CHCHD6: variants seen among roughly 807,000 people sequenced by gnomAD.
The protein encoded by CHCHD6 is MICOS complex subunit MIC25.
CHCHD6 carries 28 observed loss-of-function variants against 32.3 expected under a neutral mutation model. That is an observed-to-expected ratio of 0.87 (90% CI 0.64 to 1.19). The LOEUF (loss-of-function observed/expected upper bound fraction) is 1.19, where lower values mean the gene tolerates loss of function less well. CHCHD6 is among the 50% of genes most tolerant of loss of function. CHCHD6 has a pLI of 0.00. For missense variants in CHCHD6, 333 were observed against 307.0 expected, an observed-to-expected ratio of 1.08 and a Z score of -0.63; for synonymous variants, 122 against 117.5, an observed-to-expected ratio of 1.04 and a Z score of -0.25.
At chr3:126,862,060 C>T (rs865997977) in intron 5 of CHCHD6, among the ~76,000 whole-genome samples, 19 of 42,612 alleles carry the variant, frequency 4.5e-4, no homozygotes, top group Non-Finnish European at 6.7e-4. Context: ...CACCAACTCC[C>T]CCTCCTCCAC....
At chr3:126,927,160 G>T (rs1415171499) in intron 6 of CHCHD6, among the ~76,000 whole-genome samples, 1 of 152,182 alleles carries the variant, frequency 6.6e-6, no homozygotes, top group Non-Finnish European at 1.5e-5. Flanking sequence ...TGGCCAAAAG[G>T]AGAGCTGGGC....
chr3:126,835,234 G>C (rs966094730), intron 4 of CHCHD6, among the ~76,000 whole-genome samples: 2 of 152,160 alleles, frequency 1.3e-5, no homozygotes, highest in Admixed American at 6.5e-5. Context: ...CTTAGCCCAG[G>C]TGTAGGTGCC....
At chr3:126,905,243 A>G (rs998860244) in intron 5 of CHCHD6, among the ~76,000 whole-genome samples, 1 of 152,220 alleles carries the variant, frequency 6.6e-6, no homozygotes, top group African/African-American at 2.4e-5. Context: ...ATGTCAACAG[A>G]TGATTGCAGT....
chr3:126,894,746 A>T (rs2077813446), intron 5 of CHCHD6, among the ~76,000 whole-genome samples: 1 of 152,194 alleles, frequency 6.6e-6, no homozygotes, highest in East Asian at 1.9e-4. Flanking sequence ...GTCTGGAGGG[A>T]TCACAGACTG....
At chr3:126,802,732 C>T (rs898896972) in intron 4 of CHCHD6, among the ~76,000 whole-genome samples, 3 of 152,046 alleles carry the variant, frequency 2.0e-5, no homozygotes, top group African/African-American at 4.8e-5. Context: ...AGATACTCCT[C>T]GAGAAGAGCA....
At chr3:126,769,716 G>C (rs1327898828) in intron 4 of CHCHD6, among the ~76,000 whole-genome samples, 1 of 152,148 alleles carries the variant, frequency 6.6e-6, no homozygotes, top group Non-Finnish European at 1.5e-5. Context: ...ATGTTGGCCA[G>C]GCTAGTCTTG....
chr3:126,859,980 C>T (rs1174985944), intron 5 of CHCHD6, among the ~76,000 whole-genome samples: 1 of 152,056 alleles, frequency 6.6e-6, no homozygotes. Context: ...TTCCCCAGCA[C>T]TGGAGAAGGA....
chr3:126,716,320 A>G (rs1935014914), intron 1 of CHCHD6, among the ~76,000 whole-genome samples: 1 of 152,062 alleles, frequency 6.6e-6, no homozygotes, highest in Admixed American at 6.6e-5. Flanking sequence ...TCTCTCTGGA[A>G]CGCCACCTTC....
intron 5 of CHCHD6, among the ~76,000 whole-genome samples, chr3:126,869,846 TTG>T (rs1250030864): frequency 1.3e-5 from 2 of 152,236 alleles, no homozygotes; most frequent in Non-Finnish European, 2.9e-5. Context: ...GGACAAAAAA[TTG>T]TGTTTTGGAT....
intron 5 of CHCHD6, among the ~76,000 whole-genome samples, chr3:126,864,979 A>G (rs899038593): frequency 2.3e-5 from 3 of 128,240 alleles, no homozygotes; most frequent in African/African-American, 3.7e-5. Context: ...CTCCATCATC[A>G]CCACTACCAC....
At chr3:126,820,245 A>G (rs1188054272) in intron 4 of CHCHD6, among the ~76,000 whole-genome samples, 1 of 151,696 alleles carries the variant, frequency 6.6e-6, no homozygotes, top group African/African-American at 2.4e-5. Flanking sequence ...AACAGTAAAC[A>G]TGTAAATTTT....
intron 4 of CHCHD6, among the ~76,000 whole-genome samples, chr3:126,804,277 G>T (rs930631223): frequency 3.9e-5 from 6 of 152,136 alleles, no homozygotes; most frequent in African/African-American, 1.2e-4. Context: ...TCCAGGAGCT[G>T]GTTTTTTGAA....
intron 4 of CHCHD6, among the ~76,000 whole-genome samples, chr3:126,779,535 CAAAAAAA>C (rs11288509): frequency 6.4e-5 from 5 of 78,098 alleles, no homozygotes; most frequent in East Asian, 8.5e-4. Context: ...GACTCCATCT[CAAAAAAA>C]AAAAAAAAAA....
At chr3:126,869,316 CTG>C (rs2077433649) in intron 5 of CHCHD6, among the ~76,000 whole-genome samples, 1 of 115,514 alleles carries the variant, frequency 8.7e-6, no homozygotes, top group Non-Finnish European at 1.7e-5. Flanking sequence ...TTTTTGATGA[CTG>C]TGATGGGGAT....
At chr3:126,909,761 T>A (rs1382438664) in intron 5 of CHCHD6, among the ~76,000 whole-genome samples, 5 of 152,044 alleles carry the variant, frequency 3.3e-5, no homozygotes, top group Non-Finnish European at 7.4e-5. Flanking sequence ...GAAATAATAG[T>A]CCCTGGTCAT....
intron 4 of CHCHD6, among the ~76,000 whole-genome samples, chr3:126,780,868 C>T (rs1176458344): frequency 2.6e-5 from 4 of 152,190 alleles, no homozygotes; most frequent in Non-Finnish European, 5.9e-5. Context: ...ATATAGTGTG[C>T]TATTCCACCT....
In CHCHD6 at chr3:126,900,815, G is replaced by T. The variant is rs1480511783; in HGVS notation, c.496-13865G>T. Among the ~76,000 whole-genome samples the T allele has an allele frequency of 2.0e-5, 3 of 152,076 alleles. 1 individual carries two copies. In the South Asian group the frequency reaches 6.2e-4, roughly 32 times the overall value. On this transcript the variant is annotated intron_variant, in intron 5 of 7. Coordinates refer to ENST00000290913, the MANE Select transcript of CHCHD6 (RefSeq NM_032343.3). The stretch of plus-strand genomic sequence containing the variant: ...AACGGGGTTTCTCCATGTTGGTCAG[G>T]CTGGTCTTGAATACCTGAACTCAGG...
intron 4 of CHCHD6, among the ~76,000 whole-genome samples, chr3:126,792,962 G>T (rs1056137981): frequency 6.6e-6 from 1 of 152,132 alleles, no homozygotes; most frequent in Non-Finnish European, 1.5e-5. Flanking sequence ...GTCTTGGCAA[G>T]GAATTGACCC....
intron 4 of CHCHD6, among the ~76,000 whole-genome samples, chr3:126,846,519 CA>C (rs938621393): frequency 2.0e-5 from 3 of 152,240 alleles, no homozygotes; most frequent in Non-Finnish European, 4.4e-5. Flanking sequence ...ATCAAGCTGT[CA>C]AAAGGCAAAG....
Sources: gnomAD v4.1 joint callset for allele counts (sites outside exome capture counted in the v4.1 genomes callset) on GRCh38, gnomAD v4.1.1 for gene constraint, MANE v1.5 for transcripts, NCBI Gene and HGNC (gene_info 2026-07-23, HGNC 2026-07-21) for gene names.